Variants in SCML4 observed in about 807,000 individuals in gnomAD.
SCML4 encodes sex comb on midleg-like protein 4.
In SCML4, 34 loss-of-function variants were observed where a neutral mutation model predicts 41.1. The ratio of observed to expected loss-of-function variants is 0.83; its 90% CI spans 0.63 to 1.10. The LOEUF (loss-of-function observed/expected upper bound fraction) is 1.10. SCML4 is among the 50% of genes least tolerant of loss of function. SCML4 has a pLI of 0.00. For missense variants in SCML4, 522 were observed against 534.1 expected (o/e 0.98, Z 0.22); for synonymous variants, 214 against 220.9 (o/e 0.97, Z 0.28).
intron 2 of SCML4, among the ~76,000 whole-genome samples, chr6:107,763,617 C>A (rs1255449778): frequency 3.3e-5 from 5 of 152,144 alleles, no homozygotes. Flanking sequence ...AAACTCCTGA[C>A]CTCAAGTGAT....
At chr6:107,718,032 A>G (rs1775005196) in intron 6 of SCML4, among the ~76,000 whole-genome samples, 1 of 152,152 alleles carries the variant, frequency 6.6e-6, no homozygotes, top group African/African-American at 2.4e-5. Flanking sequence ...TCCAGCAGAG[A>G]GGCTTTCTCA....
intron 2 of SCML4, among the ~76,000 whole-genome samples, chr6:107,770,256 C>G (rs76397090): frequency 0.011 from 1,681 of 151,922 alleles, 33 homozygotes; most frequent in African/African-American, 0.039. Context: ...TTTAATAAAA[C>G]AAAACATTTT....
Position 107,720,804 on chromosome 6 carries a change from C to G in SCML4, c.872G>C (p.Arg291Pro). The change falls in exon 6 of 8, where the codon CGC (arginine) becomes CCC (proline). Residue 291 changes from arginine to proline, a missense_variant. Transcript: ENST00000369020. The stretch of plus-strand genomic sequence containing the variant: ...GCCACCAGAAGACATGGGGCTAGTG[C>G]GGGGACCACCAGCGGTGGCAGCAGG... ...GGPAATAGGP[R>P]TSPMSSGGPS... 1 of 1,613,900 alleles carries G rather than the reference C, an allele frequency of 6.2e-7. No individual in the cohort carries two copies. Among genetic ancestry groups the G allele is most frequent in the Non-Finnish European group, 8.5e-7 (1 of 1,179,910 alleles).
chr6:107,831,496 C>T, the SCML4 span, among the ~76,000 whole-genome samples: 3 of 150,376 alleles, frequency 2.0e-5, no homozygotes, highest in African/African-American at 7.3e-5. Flanking sequence ...CAGCCAACTT[C>T]AGTGTGGACC....
chr6:107,737,422 G>A (rs1777181972), intron 5 of SCML4, among the ~76,000 whole-genome samples: 2 of 152,062 alleles, frequency 1.3e-5, no homozygotes, highest in Non-Finnish European at 2.9e-5. Context: ...ATTTATACAA[G>A]TGCCACCTCG....
intron 2 of SCML4, among the ~76,000 whole-genome samples, chr6:107,756,909 C>T (rs915951695): frequency 2.0e-5 from 3 of 152,220 alleles, no homozygotes; most frequent in African/African-American, 7.2e-5. Flanking sequence ...CTCTGACATA[C>T]AGGAGCTAAT....
At chr6:107,735,128 G>A (rs140052951) in intron 5 of SCML4, among the ~76,000 whole-genome samples, 26 of 152,194 alleles carry the variant, frequency 1.7e-4, no homozygotes, top group African/African-American at 5.5e-4. Context: ...CACCCACCTC[G>A]GCCTCCCAAA....
chr6:107,806,926 CAG>C (rs1783775696), intron 1 of SCML4, among the ~76,000 whole-genome samples: 1 of 152,252 alleles, frequency 6.6e-6, no homozygotes, highest in Non-Finnish European at 1.5e-5. Context: ...TGCCCGCTGG[CAG>C]AGTTGGCTCC....
chr6:107,839,606 A>G, the SCML4 span, among the ~76,000 whole-genome samples: 2 of 152,194 alleles, frequency 1.3e-5, no homozygotes, highest in East Asian at 3.8e-4. Flanking sequence ...AAAGCTAGAC[A>G]CATACACAAC....
At chr6:107,749,612 G>GT in intron 3 of SCML4, 72 bp downstream of exon 3, 1 of 1,556,598 alleles carries the variant, frequency 6.4e-7, no homozygotes, top group Non-Finnish European at 8.7e-7. Flanking sequence ...AATCCACAAA[G>GT]TAACAATTAG....
At chr6:107,823,273 T>C (rs1283757335) in intron 1 of SCML4, among the ~76,000 whole-genome samples, 1 of 152,090 alleles carries the variant, frequency 6.6e-6, no homozygotes, top group Non-Finnish European at 1.5e-5. Flanking sequence ...CGATCACAGA[T>C]AGTGGAAAGA....
chr6:107,815,596 G>T (rs1036916823), intron 1 of SCML4, among the ~76,000 whole-genome samples: 1 of 152,220 alleles, frequency 6.6e-6, no homozygotes, highest in African/African-American at 2.4e-5. Flanking sequence ...GACTTCAACT[G>T]CATTGGAGGG....
Position 107,703,162 on chromosome 6 carries a change from A to T in SCML4, c.*2038T>A, listed in dbSNP as rs1267214012. On this transcript the variant is annotated 3_prime_UTR_variant, in exon 8 of 8. Transcript: ENST00000369020. Reference sequence around the variant, plus strand: ...CAAGAAATAAACATAAAAATGGGCAACCAGCAGCCCTCAGAGCTGCTTTGA... The same window carrying T: ...CAAGAAATAAACATAAAAATGGGCATCCAGCAGCCCTCAGAGCTGCTTTGA... Among the ~76,000 whole-genome samples the T allele has an allele frequency of 6.6e-6, 1 of 152,186 alleles. No individual in the cohort carries two copies. The highest frequency in any genetic ancestry group is 1.5e-5 in the Non-Finnish European group (1 of 68,026).
At chr6:107,810,182 T>C (rs6913627) in intron 1 of SCML4, among the ~76,000 whole-genome samples, 72,214 of 151,778 alleles carry the variant, frequency 0.48, 18,240 homozygotes, top group East Asian at 0.73. Context: ...AGGTAAGAAG[T>C]CCAACTCCAA....
chr6:107,716,762 C>G (rs577117539), intron 6 of SCML4, among the ~76,000 whole-genome samples: 50 of 152,184 alleles, frequency 3.3e-4, no homozygotes, highest in Non-Finnish European at 6.2e-4. Flanking sequence ...CATCTGGAAT[C>G]ATGGTTGCTA....
At chr6:107,766,495 A>T (rs1780057989) in intron 2 of SCML4, among the ~76,000 whole-genome samples, 1 of 152,206 alleles carries the variant, frequency 6.6e-6, no homozygotes, top group African/African-American at 2.4e-5. Flanking sequence ...CAAAACTATT[A>T]TCGAATTTAG....
At chr6:107,814,734 G>A (rs1784439844) in intron 1 of SCML4, among the ~76,000 whole-genome samples, 1 of 152,146 alleles carries the variant, frequency 6.6e-6, no homozygotes. Context: ...TGTATTTTTA[G>A]TAGAGACGGG....
chr6:107,775,577 A>G (rs961595189), intron 1 of SCML4, among the ~76,000 whole-genome samples: 35 of 152,346 alleles, frequency 2.3e-4, no homozygotes, highest in African/African-American at 7.9e-4. Context: ...AAAGATTCCA[A>G]TGAAGGAAAT....
chr6:107,817,274 G>A (rs2114296861), intron 1 of SCML4, among the ~76,000 whole-genome samples: 1 of 152,306 alleles, frequency 6.6e-6, no homozygotes, highest in South Asian at 2.1e-4. Context: ...CCTGAACAGA[G>A]ATTTGGGCTG....
Sources: gnomAD v4.1 joint callset for allele counts (sites outside exome capture counted in the v4.1 genomes callset) on GRCh38, gnomAD v4.1.1 for gene constraint, MANE v1.5 for transcripts, NCBI Gene and HGNC (gene_info 2026-07-23, HGNC 2026-07-21) for gene names.